Variants in TAFA1 observed in about 807,000 individuals in gnomAD.
The protein encoded by TAFA1 is TAFA chemokine like family member 1.
In TAFA1, 4 loss-of-function variants were observed where a neutral mutation model predicts 18.5. The observed-to-expected ratio is 0.22, with a 90% CI of 0.11 to 0.49. TAFA1 has a LOEUF of 0.49. TAFA1 is among the 20% of genes least tolerant of loss of function. The pLI is 0.98. For synonymous variants in TAFA1, 56 were observed against 55.2 expected (o/e 1.01, Z -0.06); for missense variants, 147 against 169.0 (o/e 0.87, Z 0.72).
chr3:68,074,793 A>G (rs1306469904), intron 2 of TAFA1, among the ~76,000 whole-genome samples: 2 of 152,188 alleles, frequency 1.3e-5, no homozygotes, highest in African/African-American at 4.8e-5. Flanking sequence ...AAATTGCTTC[A>G]ATTTTGAATC....
the TAFA1 span, among the ~76,000 whole-genome samples, chr3:67,992,845 A>T: frequency 6.6e-6 from 1 of 152,156 alleles, no homozygotes; most frequent in African/African-American, 2.4e-5. Context: ...CCTCAAAGAT[A>T]AAAGTAGCCA....
intron 2 of TAFA1, among the ~76,000 whole-genome samples, chr3:68,345,032 C>CAAAA (rs551579012): frequency 4.5e-4 from 64 of 141,156 alleles, no homozygotes; most frequent in African/African-American, 1.7e-3. Flanking sequence ...GGCCCTATCT[C>CAAAA]AAAAAAAAAA....
chr3:68,373,419 C>A (rs1056582279), intron 2 of TAFA1, among the ~76,000 whole-genome samples: 2 of 152,090 alleles, frequency 1.3e-5, no homozygotes, highest in African/African-American at 4.8e-5. Flanking sequence ...GGTTATTTAA[C>A]CCTAAAAACT....
intron 3 of TAFA1, among the ~76,000 whole-genome samples, chr3:68,529,317 CTT>C (rs2106769444): frequency 6.6e-6 from 1 of 151,666 alleles, no homozygotes; most frequent in South Asian, 2.1e-4. Context: ...TTTAGTGACT[CTT>C]AACTAGCATT....
chr3:68,301,659 A>G (rs6773412), intron 2 of TAFA1, among the ~76,000 whole-genome samples: 9,641 of 152,162 alleles, frequency 0.063, 474 homozygotes, highest in African/African-American at 0.13. Flanking sequence ...TTTTTAAGTC[A>G]AACAGAAGAG....
At chr3:68,092,420 G>A (rs763999850) in intron 2 of TAFA1, among the ~76,000 whole-genome samples, 4 of 152,150 alleles carry the variant, frequency 2.6e-5, no homozygotes, top group Non-Finnish European at 4.4e-5. Context: ...GTTCTGAGAA[G>A]GTGGAGGTCA....
At chr3:68,231,339 A>G (rs1022605253) in intron 2 of TAFA1, among the ~76,000 whole-genome samples, 1 of 105,828 alleles carries the variant, frequency 9.4e-6, no homozygotes, top group African/African-American at 3.6e-5. Context: ...GCTTTAATCT[A>G]TTTGATTTTT....
intron 3 of TAFA1, among the ~76,000 whole-genome samples, chr3:68,442,864 G>A (rs1321504770): frequency 2.6e-5 from 4 of 152,150 alleles, no homozygotes; most frequent in African/African-American, 9.7e-5. Flanking sequence ...GATAAGGATT[G>A]AGGGTCAGTA....
Position 68,417,352 on chromosome 3 carries a change from C to T in TAFA1, c.191C>T (p.Thr64Ile), listed in dbSNP as rs779697346. 6.2e-7 allele frequency: 1 copy of T among 1,613,348 alleles called. No individual in the cohort carries two copies. Among genetic ancestry groups the T allele is most frequent in the Non-Finnish European group, 8.5e-7 (1 of 1,179,644 alleles). ...AATCGCATTGAGGAGCGGTCACAAACAGTAAAGTGTTCCTGTCTACCTGGA... is the reference window on the plus strand; with the variant it reads ...AATCGCATTGAGGAGCGGTCACAAATAGTAAAGTGTTCCTGTCTACCTGGA... ...NKNRIEERSQ[T>I]VKCSCLPGKV... Residue 64 changes from threonine to isoleucine, a missense_variant, in exon 3 of 5, where the codon ACA becomes ATA. By Grantham distance (89) the Thr-to-Ile change is moderately conservative (BLOSUM62 -1). Coordinates refer to ENST00000478136, the MANE Select transcript of TAFA1 (RefSeq NM_213609.4).
chr3:68,345,387 C>A (rs1053899203), intron 2 of TAFA1, among the ~76,000 whole-genome samples: 1 of 152,204 alleles, frequency 6.6e-6, no homozygotes, highest in Non-Finnish European at 1.5e-5. Context: ...ATCATCCTTG[C>A]AGCCCTTCCT....
At chr3:68,490,973 G>A (rs1026338758) in intron 3 of TAFA1, among the ~76,000 whole-genome samples, 2 of 151,968 alleles carry the variant, frequency 1.3e-5, no homozygotes, top group East Asian at 3.9e-4. Flanking sequence ...CGAGTTGCTG[G>A]AACTATGGGT....
At chr3:68,124,485 C>T (rs73834834) in intron 2 of TAFA1, among the ~76,000 whole-genome samples, 2,482 of 152,254 alleles carry the variant, frequency 0.016, 77 homozygotes, top group African/African-American at 0.057. Context: ...GAAGCCTACT[C>T]ATAGCATTTT....
At chr3:68,524,428 C>T (rs2073074413) in intron 3 of TAFA1, among the ~76,000 whole-genome samples, 2 of 152,082 alleles carry the variant, frequency 1.3e-5, no homozygotes, top group African/African-American at 4.8e-5. Context: ...TGCACAGAGG[C>T]AGGTGTAGAA....
intron 2 of TAFA1, among the ~76,000 whole-genome samples, chr3:68,161,411 G>T (rs2065923877): frequency 6.6e-6 from 1 of 152,170 alleles, no homozygotes; most frequent in South Asian, 2.1e-4. Context: ...TCTTGAAAAT[G>T]ATAAGAGATG....
chr3:68,020,462 A>T (rs1295013822), intron 2 of TAFA1, among the ~76,000 whole-genome samples: 1 of 151,844 alleles, frequency 6.6e-6, no homozygotes, highest in African/African-American at 2.4e-5. Flanking sequence ...AGACATAGCG[A>T]TAATGTGTAT....
intron 2 of TAFA1, among the ~76,000 whole-genome samples, chr3:68,182,193 A>T (rs766465953): frequency 2.6e-5 from 4 of 152,236 alleles, no homozygotes; most frequent in Non-Finnish European, 4.4e-5. Flanking sequence ...TGGGTGACAG[A>T]GTGAGACCCT....
At chr3:68,083,245 C>G (rs1161202994) in intron 2 of TAFA1, among the ~76,000 whole-genome samples, 2 of 152,270 alleles carry the variant, frequency 1.3e-5, no homozygotes, top group East Asian at 3.9e-4. Context: ...TTAATTGAGG[C>G]TATCATCTGC....
In TAFA1 at chr3:68,280,008, A is replaced by T. The variant is rs78444849; in HGVS notation, c.119-137272A>T. Reference sequence around the variant, plus strand: ...ATTCTCATCCTATACAAAATTCGCAAATTCTTGTATTCCCAAATTATCATT... The same window carrying T: ...ATTCTCATCCTATACAAAATTCGCATATTCTTGTATTCCCAAATTATCATT... On this transcript the variant is annotated intron_variant, in intron 2 of 4. Transcript: ENST00000478136. Among the ~76,000 whole-genome samples, 1,435 of 152,266 alleles carry T rather than the reference A, an allele frequency of 9.4e-3. 19 individuals are homozygous for T. Among genetic ancestry groups the T allele is most frequent in the African/African-American group, 0.033 (1,376 of 41,554 alleles).
chr3:68,256,599 CT>C (rs1216839311), intron 2 of TAFA1, among the ~76,000 whole-genome samples: 2 of 152,092 alleles, frequency 1.3e-5, no homozygotes, highest in Admixed American at 6.5e-5. Flanking sequence ...TTTGGGGTTT[CT>C]TAAATTCACA....
Sources: allele counts gnomAD v4.1 joint callset (sites outside exome capture counted in the v4.1 genomes callset), GRCh38; gene constraint gnomAD v4.1.1; transcripts MANE v1.5; gene names NCBI Gene and HGNC (gene_info 2026-07-23, HGNC 2026-07-21).